Variants in SORCS2 observed in about 807,000 individuals in gnomAD.
SORCS2 encodes the protein VPS10 domain-containing receptor SorCS2.
SORCS2 carries 100 observed loss-of-function variants against 141.6 expected under a neutral mutation model. The ratio of observed to expected loss-of-function variants is 0.71; its 90% CI spans 0.60 to 0.83. SORCS2 has a LOEUF of 0.83. SORCS2 is among the 40% of genes least tolerant of loss of function. The probability of loss-of-function intolerance (pLI) is 0.00; values close to 1 mark genes in which losing one functional copy is unlikely to be tolerated. For missense variants in SORCS2, 1,646 were observed against 1,560.2 expected (o/e 1.05, Z -0.93); for synonymous variants, 789 against 676.9 (o/e 1.17, Z -2.57).
intron 1 of SORCS2, among the ~76,000 whole-genome samples, chr4:7,224,760 CA>C (rs1183653064): frequency 1.3e-5 from 2 of 152,292 alleles, no homozygotes; most frequent in East Asian, 3.9e-4. Context: ...GGGTGGGGAT[CA>C]GGGGCCCCTG....
intron 8 of SORCS2, among the ~76,000 whole-genome samples, chr4:7,669,694 C>G (rs2108935967): frequency 6.6e-6 from 1 of 152,200 alleles, no homozygotes; most frequent in South Asian, 2.1e-4. Context: ...GACATTGGAG[C>G]AGGGGACTCA....
intron 3 of SORCS2, among the ~76,000 whole-genome samples, chr4:7,535,123 G>A (rs964653471): frequency 2.6e-5 from 4 of 152,204 alleles, no homozygotes; most frequent in Non-Finnish European, 4.4e-5. Flanking sequence ...GCTTCTGGGT[G>A]CCCCGGTTTG....
chr4:7,557,342 G>T (rs1279228580), intron 3 of SORCS2, among the ~76,000 whole-genome samples: 1 of 152,178 alleles, frequency 6.6e-6, no homozygotes, highest in Non-Finnish European at 1.5e-5. Context: ...TCTCATATCT[G>T]AGCCTCAATT....
chr4:7,454,794 G>C (rs1246796795), intron 2 of SORCS2, among the ~76,000 whole-genome samples: 1 of 132,938 alleles, frequency 7.5e-6, no homozygotes, highest in African/African-American at 2.9e-5. Flanking sequence ...TTGGGGTCTG[G>C]TGCTGTGTTG....
chr4:7,350,508 C>G (rs970839077), intron 1 of SORCS2, among the ~76,000 whole-genome samples: 2 of 152,216 alleles, frequency 1.3e-5, no homozygotes, highest in African/African-American at 2.4e-5. Context: ...CAAAGGGCAG[C>G]GTGGCTGGGC....
At chr4:7,554,727 A>G (rs1243967382) in intron 3 of SORCS2, among the ~76,000 whole-genome samples, 2 of 152,220 alleles carry the variant, frequency 1.3e-5, no homozygotes, top group Non-Finnish European at 2.9e-5. Flanking sequence ...TGTAGAGCAC[A>G]GCGGGAGCCC....
chr4:7,392,683 A>G (rs745684812), intron 1 of SORCS2, among the ~76,000 whole-genome samples: 5 of 148,602 alleles, frequency 3.4e-5, no homozygotes, highest in Non-Finnish European at 7.5e-5. Context: ...GTGGTAGTGC[A>G]TCGGAGGAGC....
chr4:7,214,640 G>C (rs375238451), intron 1 of SORCS2, among the ~76,000 whole-genome samples: 2 of 152,224 alleles, frequency 1.3e-5, no homozygotes, highest in Non-Finnish European at 2.9e-5. Flanking sequence ...CAGTTCCCAG[G>C]GTGCTCATAG....
Position 7,527,053 on chromosome 4 carries a change from A to G in SORCS2, c.549-4477A>G, listed in dbSNP as rs562696500. On this transcript the variant is annotated intron_variant, in intron 2 of 26. Coordinates refer to ENST00000507866, the MANE Select transcript of SORCS2 (RefSeq NM_020777.3). The stretch of plus-strand genomic sequence containing the variant: ...CTAGTGCTAGGCGGCCCTGCGGGTC[A>G]GTGGTGCTGCCCGACAATGCGGGTC... 1.3e-5 allele frequency among the ~76,000 whole-genome samples: 2 copies of G among 152,336 alleles called. 1 individual carries two copies. The highest frequency in any genetic ancestry group is 4.8e-5 in the African/African-American group (2 of 41,578).
At chr4:7,639,330 C>G (rs1270873892) in intron 4 of SORCS2, among the ~76,000 whole-genome samples, 2 of 152,216 alleles carry the variant, frequency 1.3e-5, no homozygotes, top group Non-Finnish European at 2.9e-5. Flanking sequence ...TGGCAGCTGC[C>G]AGTATCTCCT....
At chr4:7,410,516 G>A (rs887372707) in intron 2 of SORCS2, among the ~76,000 whole-genome samples, 93 of 152,124 alleles carry the variant, frequency 6.1e-4, no homozygotes, top group African/African-American at 2.1e-3. Context: ...AGACCTCATG[G>A]GCTCTTATGA....
intron 2 of SORCS2, among the ~76,000 whole-genome samples, chr4:7,516,500 G>A (rs370355987): frequency 1.3e-5 from 2 of 152,112 alleles, no homozygotes; most frequent in African/African-American, 2.4e-5. Context: ...AGAGAACGCC[G>A]GGTGTTTGGC....
At chr4:7,704,924 G>A (rs745825445) in intron 14 of SORCS2, among the ~76,000 whole-genome samples, 7 of 152,136 alleles carry the variant, frequency 4.6e-5, no homozygotes, top group African/African-American at 7.2e-5. Flanking sequence ...TGTGTCTAAC[G>A]GCTCCTGCGA....
chr4:7,382,857 C>T (rs544376804), intron 1 of SORCS2, among the ~76,000 whole-genome samples: 3 of 152,204 alleles, frequency 2.0e-5, no homozygotes, highest in South Asian at 2.1e-4. Flanking sequence ...CACAGGGCTC[C>T]GTGCCAGGGT....
In SORCS2 at chr4:7,304,262, C is replaced by T. The variant is rs189320965; in HGVS notation, c.481-92026C>T. On this transcript the variant is annotated intron_variant, in intron 1 of 26. Coordinates refer to ENST00000507866, the MANE Select transcript of SORCS2 (RefSeq NM_020777.3). ...AGACGATGAGGAATAACAAACAGCT[C>T]GACAGACATGGGTCTGTGAGGCTCA... 9.6e-4 allele frequency among the ~76,000 whole-genome samples: 146 copies of T among 152,264 alleles called. 1 individual carries two copies. Among genetic ancestry groups the T allele is most frequent in the Non-Finnish European group, 1.8e-3 (121 of 68,014 alleles).
intron 1 of SORCS2, among the ~76,000 whole-genome samples, chr4:7,281,193 T>C (rs1715851992): frequency 6.6e-6 from 1 of 152,148 alleles, no homozygotes; most frequent in Admixed American, 6.5e-5. Context: ...TCAGGCTCAC[T>C]GATGGAAGCA....
In SORCS2 at chr4:7,312,929, C is replaced by T. The variant is rs571139071; in HGVS notation, c.481-83359C>T. On this transcript the variant is annotated intron_variant, in intron 1 of 26. Coordinates refer to ENST00000507866, the MANE Select transcript of SORCS2 (RefSeq NM_020777.3). Reference sequence around the variant, plus strand: ...ATCTCCAGGGCTCCCTGCAGAGCTGCAGCTGGCTGAGCAGCGACTGTCCTG... The same window carrying T: ...ATCTCCAGGGCTCCCTGCAGAGCTGTAGCTGGCTGAGCAGCGACTGTCCTG... Among the ~76,000 whole-genome samples the T allele has an allele frequency of 2.0e-5, 3 of 152,346 alleles. No individual in the cohort carries two copies. The South Asian group carries it at 6.2e-4, about 32-fold the overall frequency.
At chr4:7,454,350 C>CTG (rs1560298099) in intron 2 of SORCS2, among the ~76,000 whole-genome samples, 1 of 101,380 alleles carries the variant, frequency 9.9e-6, no homozygotes. Flanking sequence ...GGGTCAGGCA[C>CTG]TGTGTTGGGG....
At chr4:7,591,769 C>T (rs544835770) in intron 3 of SORCS2, among the ~76,000 whole-genome samples, 105 of 152,330 alleles carry the variant, frequency 6.9e-4, no homozygotes, top group African/African-American at 2.5e-3. Context: ...TGAATCCCGG[C>T]AGAGGCCTCT....
Sources: allele counts gnomAD v4.1 joint callset (sites outside exome capture counted in the v4.1 genomes callset), GRCh38; gene constraint gnomAD v4.1.1; transcripts MANE v1.5; gene names NCBI Gene and HGNC (gene_info 2026-07-23, HGNC 2026-07-21).